KNDC1: variants seen among roughly 807,000 people sequenced by gnomAD.
The protein encoded by KNDC1 is kinase non-catalytic C-lobe domain containing 1.
KNDC1 carries 106 observed loss-of-function variants against 172.8 expected under a neutral mutation model. The observed-to-expected ratio is 0.61, with a 90% CI of 0.52 to 0.72. KNDC1 has a LOEUF of 0.72. Among genes scored for constraint, KNDC1 ranks in the 30% least tolerant of loss-of-function variants. KNDC1 has a pLI of 0.00. For missense variants in KNDC1, 2,325 were observed against 2,394.5 expected, an observed-to-expected ratio of 0.97 and a Z score of 0.61; for synonymous variants, 1,083 against 1,062.2, an observed-to-expected ratio of 1.02 and a Z score of -0.38.
At position 133,220,775 on chromosome 10, in the gene KNDC1, G is replaced by A. The variant is rs138609386; in HGVS notation, c.5018+663G>A. 1.2e-4 allele frequency among the ~76,000 whole-genome samples: 14 copies of A among 119,042 alleles called. 1 individual carries two copies. The highest frequency in any genetic ancestry group is 7.7e-4 in the Admixed American group (10 of 12,912). The allele number at this position is 119,042 out of a possible 152,430, so 78.1% of individuals were successfully genotyped here. The stretch of plus-strand genomic sequence containing the variant: ...CAGGTGAGGAGGGGCTCAGGCGGCC[G>A]CGCGCCCAGGAGACGAGGGGCTCAG... On this transcript the variant is annotated intron_variant, in intron 29 of 29. Transcript: ENST00000304613.
intron 26 of KNDC1, among the ~76,000 whole-genome samples, chr10:133,217,269 C>T (rs992081396): frequency 6.6e-6 from 1 of 152,244 alleles, no homozygotes; most frequent in African/African-American, 2.4e-5. Context: ...CTACTTAAAC[C>T]GATGAAGAAA....
At chr10:133,218,646 G>A (rs1204862021) in intron 26 of KNDC1, among the ~76,000 whole-genome samples, 185 bp from the exon 27 acceptor site, 2 of 152,164 alleles carry the variant, frequency 1.3e-5, no homozygotes, top group East Asian at 1.9e-4. Flanking sequence ...TGCCCACCCC[G>A]TCCCGCCAGC....
intron 3 of KNDC1, chr10:133,173,801 C>T (rs9419020): frequency 0.019 from 2,846 of 152,390 alleles, 38 homozygotes; most frequent in Non-Finnish European, 0.029. Flanking sequence ...TAGTCCTCCA[C>T]CCAGCATCAC....
rs766088284 is a variant in KNDC1, at chr10:133,198,442, C to T, written c.2012C>T (p.Thr671Ile). The stretch of plus-strand genomic sequence containing the variant: ...GCCACCCAGCTGCCTGCAGCGTTCA[C>T]CTCCGAGGCCACGCACTTCAAGCCC... ...EEATQLPAAFTSEATHFKPIV... is the reference protein window; with the variant it reads ...EEATQLPAAFISEATHFKPIV... Residue 671 changes from threonine to isoleucine, a missense_variant, in exon 13 of 30, where the codon ACC becomes ATC. Thr to Ile is a moderately conservative substitution (Grantham distance 89). Transcript: ENST00000304613. 6.2e-7 allele frequency: 1 copy of T among 1,603,502 alleles called. No individual in the cohort carries two copies. The highest frequency in any genetic ancestry group is 1.1e-5 in the South Asian group (1 of 89,254).
intron 3 of KNDC1, among the ~76,000 whole-genome samples, chr10:133,169,591 C>T (rs1853305796): frequency 6.6e-6 from 1 of 152,230 alleles, no homozygotes; most frequent in Admixed American, 6.5e-5. Flanking sequence ...CTGCGGGGGT[C>T]CTACATTTTA....
intron 3 of KNDC1, among the ~76,000 whole-genome samples, chr10:133,169,791 G>A (rs2135950569): frequency 6.6e-6 from 1 of 152,340 alleles, no homozygotes; most frequent in Non-Finnish European, 1.5e-5. Flanking sequence ...TGTGATCCCT[G>A]GTGCACATGA....
Position 133,223,934 on chromosome 10 carries a change from CGT to C in KNDC1, c.5019-709_5019-708del, listed in dbSNP as rs369555856. On this transcript the variant is annotated intron_variant, in intron 29 of 29. Coordinates refer to ENST00000304613, the MANE Select transcript of KNDC1 (RefSeq NM_152643.8). ...GCCCATCCAGGCATGCTCTTCCCGG[CGT>C]GTGTGTGTGTGTGTGAGCCCATCCA... Among the ~76,000 whole-genome samples, 136 of 97,518 alleles carry C rather than the reference CGT, an allele frequency of 1.4e-3. 2 individuals carry two copies. The East Asian group carries it at 0.014, about 10-fold the overall frequency. The allele number at this position is 97,518 out of a possible 152,430, so 64.0% of individuals were successfully genotyped here.
At chr10:133,219,761 C>T (rs1245038152) in intron 28 of KNDC1, among the ~76,000 whole-genome samples, 194 bp from the exon 29 acceptor site, 5 of 152,214 alleles carry the variant, frequency 3.3e-5, no homozygotes, top group African/African-American at 1.2e-4. Context: ...AAGCTTAAGA[C>T]CCCGCAGGTG....
intron 14 of KNDC1, 76 bp from the exon 15 acceptor site, chr10:133,199,382 G>A (rs562154257): frequency 1.8e-5 from 29 of 1,579,520 alleles, no homozygotes; most frequent in African/African-American, 6.7e-5. Context: ...AGCCTTGTCC[G>A]TTTCATCAGC....
intron 3 of KNDC1, among the ~76,000 whole-genome samples, chr10:133,175,017 G>A (rs1305727304): frequency 6.7e-6 from 1 of 150,258 alleles, no homozygotes; most frequent in Non-Finnish European, 1.5e-5. Context: ...ATGGATGGGT[G>A]GGTGGAAAGA....
chr10:133,168,118 C>G, intron 2 of KNDC1, 136 bp from the exon 3 acceptor site: 1 of 768,614 alleles, frequency 1.3e-6, no homozygotes, highest in East Asian at 2.4e-5. Context: ...TTTTCATGGC[C>G]TAAAATGGTC....
At position 133,206,786 on chromosome 10, in the gene KNDC1, C is replaced by A. The variant is rs751890929; in HGVS notation, c.3481+8C>A. ...AGGAAAAGAGGAACAAAGGTAAGGCCCCTGTGGGCACAGGTCCGAGACCCT... is the reference window on the plus strand; with the variant it reads ...AGGAAAAGAGGAACAAAGGTAAGGCACCTGTGGGCACAGGTCCGAGACCCT... On this transcript the variant is annotated splice_region_variant and intron_variant, in intron 18 of 29. Coordinates refer to ENST00000304613, the MANE Select transcript of KNDC1 (RefSeq NM_152643.8). 2 of 1,613,896 alleles carry A rather than the reference C, an allele frequency of 1.2e-6. No individual in the cohort carries two copies. Among genetic ancestry groups the A allele is most frequent in the East Asian group, 4.5e-5 (2 of 44,880 alleles).
chr10:133,224,084 C>T lies in KNDC1; in HGVS notation c.5019-575C>T, dbSNP rs1316576169. On this transcript the variant is annotated intron_variant, in intron 29 of 29. Coordinates refer to ENST00000304613, the MANE Select transcript of KNDC1 (RefSeq NM_152643.8). This position sits in a 1 kb window ranked among gnomAD's most constrained non-coding sequence, Gnocchi z 5.4. ...CCTTTCTTTGCCGTAATGGACGCCC[C>T]TTTCTTTGTCCCTCACACTGGGCAT... 2.0e-5 allele frequency among the ~76,000 whole-genome samples: 3 copies of T among 152,198 alleles called. No homozygotes were observed. Among genetic ancestry groups the T allele is most frequent in the Non-Finnish European group, 4.4e-5 (3 of 68,040 alleles).
rs1854209918 is a variant in KNDC1, at chr10:133,197,004, G to A, written c.1735-54G>A. On this transcript the variant is annotated intron_variant, in intron 10 of 29. Coordinates refer to ENST00000304613, the MANE Select transcript of KNDC1 (RefSeq NM_152643.8). Reference sequence around the variant, plus strand: ...GATGGGGACCCAGTGACACGGGGACGGTGCAGCCGTGGCTGAGGCCTGTCG... The same window carrying A: ...GATGGGGACCCAGTGACACGGGGACAGTGCAGCCGTGGCTGAGGCCTGTCG... 27 of 1,406,590 alleles carry A rather than the reference G, an allele frequency of 1.9e-5. No homozygotes were observed. In the South Asian group the frequency reaches 2.3e-4, roughly 12 times the overall value. 87.1% of individuals were successfully genotyped at this position (1,406,590 alleles called of 1,614,324 possible).
Position 133,207,238 on chromosome 10 carries a change from C to T in KNDC1, c.3681C>T (p.Asp1227=), listed in dbSNP as rs771151872. 5.1e-5 allele frequency: 83 copies of T among 1,612,830 alleles called. No homozygotes were observed. The highest frequency in any genetic ancestry group is 2.8e-4 in the Admixed American group (17 of 60,000). Residue 1227 remains aspartate (D), a synonymous_variant, in exon 20 of 30, where the codon GAC becomes GAT. Transcript: ENST00000304613. ...PCDTLDFSPL[D]ESSSLIFYNV... ...ACACGCTGGACTTCAGCCCCCTGGA[C>T]GAGTCCTCCTCGCTCATCTTCTACA...
chr10:133,169,897 T>C (rs1283351693), intron 3 of KNDC1, among the ~76,000 whole-genome samples: 1 of 152,264 alleles, frequency 6.6e-6, no homozygotes, highest in Non-Finnish European at 1.5e-5. Context: ...GTCCCCCTAC[T>C]CCGTGGTTCC....
At chr10:133,197,954 C>T (rs1270209983) in intron 12 of KNDC1, among the ~76,000 whole-genome samples, 186 bp downstream of exon 12, 1 of 152,164 alleles carries the variant, frequency 6.6e-6, no homozygotes, top group East Asian at 1.9e-4. Context: ...TCTCCCAAAA[C>T]TCCCAGTCGC....
chr10:133,219,158 C>A, intron 28 of KNDC1, 68 bp downstream of exon 28: 1 of 1,545,552 alleles, frequency 6.5e-7, no homozygotes, highest in Non-Finnish European at 8.8e-7. Flanking sequence ...AACTGCTGTG[C>A]AGAGCCTGCC....
At chr10:133,181,875 T>G (rs1443234767) in intron 3 of KNDC1, among the ~76,000 whole-genome samples, 2 of 109,080 alleles carry the variant, frequency 1.8e-5, no homozygotes, top group African/African-American at 6.8e-5. Flanking sequence ...ACTGTGGAAG[T>G]GGAACCACCT....
Sources: allele counts gnomAD v4.1 joint callset (sites outside exome capture counted in the v4.1 genomes callset), GRCh38; gene constraint gnomAD v4.1.1; non-coding constraint Gnocchi (gnomAD v3.1); transcripts MANE v1.5; gene names NCBI Gene and HGNC (gene_info 2026-07-23, HGNC 2026-07-21).